The following PPP2R5E variants were observed in gnomAD, a reference collection of about 807,000 sequenced individuals.
PPP2R5E encodes serine/threonine-protein phosphatase 2A 56 kDa regulatory subunit epsilon isoform.
Under a neutral mutation model 65.3 loss-of-function variants are expected in PPP2R5E, and 4 were observed. That is an observed-to-expected ratio of 0.06 (90% confidence interval 0.03 to 0.14). PPP2R5E has a LOEUF of 0.14. Among genes scored for constraint, PPP2R5E ranks in the 10% least tolerant of loss-of-function variants. The pLI is 1.00. For missense variants in PPP2R5E, 274 were observed against 556.1 expected, an observed-to-expected ratio of 0.49 and a Z score of 5.10; for synonymous variants, 183 against 187.4, an observed-to-expected ratio of 0.98 and a Z score of 0.19.
chr14:63,538,261 CTT>C (rs10709303), intron 2 of PPP2R5E, among the ~76,000 whole-genome samples: 31 of 146,352 alleles, frequency 2.1e-4, no homozygotes, highest in African/African-American at 4.3e-4. Flanking sequence ...CCTGCACTTT[CTT>C]TTTTTTTTTT....
chr14:63,532,609 TAAC>T (rs1893482885), intron 2 of PPP2R5E, among the ~76,000 whole-genome samples: 1 of 152,166 alleles, frequency 6.6e-6, no homozygotes, highest in Admixed American at 6.5e-5. Context: ...CCCCATTAAA[TAAC>T]AACAGCTAGT....
chr14:63,520,650 T>C (rs1486445568), intron 2 of PPP2R5E, among the ~76,000 whole-genome samples: 1 of 152,004 alleles, frequency 6.6e-6, no homozygotes, highest in Non-Finnish European at 1.5e-5. Flanking sequence ...TTTAAGGCCC[T>C]TGGAGGAGAC....
chr14:63,430,353 A>G (rs868416191), intron 3 of PPP2R5E, among the ~76,000 whole-genome samples: 1 of 132,216 alleles, frequency 7.6e-6, no homozygotes, highest in African/African-American at 3.5e-5. Context: ...ATGTATACAT[A>G]CATACATACA....
chr14:63,392,160 A>G (rs569494970), intron 8 of PPP2R5E, 135 bp from the exon 9 acceptor site: 2 of 599,076 alleles, frequency 3.3e-6, no homozygotes, highest in Non-Finnish European at 2.7e-6. Flanking sequence ...TTTAATTATC[A>G]TAAAATCTAT....
At chr14:63,466,763 G>A (rs1428520440) in intron 2 of PPP2R5E, among the ~76,000 whole-genome samples, 2 of 152,094 alleles carry the variant, frequency 1.3e-5, no homozygotes, top group African/African-American at 4.8e-5. Flanking sequence ...ACGTATGTAT[G>A]TGTGTATACA....
rs147043177 is a variant in PPP2R5E at position 63,525,890 on chromosome 14, C to T, written c.157+13639G>A. ...GTCTTTTTTTTGAGATGGAGTTTTGCTCTGTACCCAGGATGGAGTGCAGTG... is the reference window on the plus strand; with the variant it reads ...GTCTTTTTTTTGAGATGGAGTTTTGTTCTGTACCCAGGATGGAGTGCAGTG... On this transcript the variant is annotated intron_variant, in intron 2 of 13. Coordinates refer to ENST00000337537, the MANE Select transcript of PPP2R5E (RefSeq NM_006246.5). 4.6e-5 allele frequency among the ~76,000 whole-genome samples: 7 copies of T among 152,216 alleles called. No individual in the cohort carries two copies. The East Asian group carries it at 1.4e-3, about 29-fold the overall frequency.
intron 2 of PPP2R5E, among the ~76,000 whole-genome samples, chr14:63,511,399 GT>G (rs1892446928): frequency 1.3e-5 from 2 of 152,294 alleles, no homozygotes; most frequent in South Asian, 4.1e-4. Flanking sequence ...CGTCATGTAT[GT>G]GAGTGAGACT....
chr14:63,393,218 T>C (rs1885126159), intron 8 of PPP2R5E, among the ~76,000 whole-genome samples: 1 of 152,182 alleles, frequency 6.6e-6, no homozygotes, highest in Non-Finnish European at 1.5e-5. Context: ...GTGCATTTTA[T>C]TATATGTAAT....
At chr14:63,432,668 T>G (rs1887737954) in intron 3 of PPP2R5E, among the ~76,000 whole-genome samples, 1 of 151,816 alleles carries the variant, frequency 6.6e-6, no homozygotes, top group African/African-American at 2.4e-5. Flanking sequence ...GAGAAGAGAC[T>G]GGGGGAAGGG....
At chr14:63,413,485 A>G (rs1182154571) in intron 5 of PPP2R5E, among the ~76,000 whole-genome samples, 1 of 152,202 alleles carries the variant, frequency 6.6e-6, no homozygotes, top group Non-Finnish European at 1.5e-5. Context: ...CCAGAATAGG[A>G]AATGTGCTTG....
At chr14:63,468,688 GAAAT>G (rs144271073) in intron 2 of PPP2R5E, among the ~76,000 whole-genome samples, 45,406 of 151,816 alleles carry the variant, frequency 0.3, 8,453 homozygotes, top group African/African-American at 0.52. Flanking sequence ...ATGTGCAAAG[GAAAT>G]AAATAAACAA....
intron 2 of PPP2R5E, among the ~76,000 whole-genome samples, chr14:63,465,346 GC>G (rs1375384078): frequency 1.3e-5 from 2 of 150,812 alleles, no homozygotes; most frequent in Non-Finnish European, 2.9e-5. Flanking sequence ...GGGCATGGTG[GC>G]TCACGCCCGT....
At chr14:63,387,350 A>T (rs1884733122) in intron 11 of PPP2R5E, among the ~76,000 whole-genome samples, 1 of 152,232 alleles carries the variant, frequency 6.6e-6, no homozygotes, top group African/African-American at 2.4e-5. Flanking sequence ...TAAAGAGGAA[A>T]GGTATTGTTT....
chr14:63,393,999 T>C, intron 7 of PPP2R5E, 71 bp from the exon 8 acceptor site: 1 of 891,270 alleles, frequency 1.1e-6, no homozygotes, highest in South Asian at 1.4e-5. Context: ...GTTCTTGTGA[T>C]ATTAATTAAA....
rs150891148 is a variant in PPP2R5E, at chr14:63,508,406, C to T, written c.157+31123G>A. Among the ~76,000 whole-genome samples, 39 of 152,268 alleles carry T rather than the reference C, an allele frequency of 2.6e-4. 1 individual carries two copies. Among genetic ancestry groups the T allele is most frequent in the African/African-American group, 9.1e-4 (38 of 41,554 alleles). On this transcript the variant is annotated intron_variant, in intron 2 of 13. Coordinates refer to ENST00000337537, the MANE Select transcript of PPP2R5E (RefSeq NM_006246.5). ...ACTGTGTCCTGGGTGCCCATTTAAG[C>T]CCTTCTGGTATCATTTTCCTGAATT... is the stretch of plus-strand genomic sequence containing the variant.
chr14:63,391,757 C>A lies in PPP2R5E; in HGVS notation c.954+60G>T. ...CGGTTTTATACATGCTTAGCCCAAT[C>A]CTTGGCACTCAGCAAAATATTCAGT... is the stretch of plus-strand genomic sequence containing the variant. On this transcript the variant is annotated intron_variant, in intron 10 of 13. Coordinates refer to ENST00000337537, the MANE Select transcript of PPP2R5E (RefSeq NM_006246.5). 2.6e-6 allele frequency: 4 copies of A among 1,553,540 alleles called. No individual in the cohort carries two copies. The Admixed American group carries it at 6.7e-5, about 26-fold the overall frequency.
chr14:63,435,820 T>C (rs1422004656), intron 3 of PPP2R5E, among the ~76,000 whole-genome samples: 2 of 152,172 alleles, frequency 1.3e-5, no homozygotes, highest in Non-Finnish European at 2.9e-5. Flanking sequence ...AATAATTATC[T>C]CTAGAGTCTG....
intron 2 of PPP2R5E, among the ~76,000 whole-genome samples, chr14:63,494,771 T>C (rs1374380362): frequency 1.3e-5 from 2 of 151,902 alleles, no homozygotes; most frequent in Admixed American, 6.6e-5. Flanking sequence ...GGTGCGTGCC[T>C]GTAGTTACCT....
chr14:63,483,979 G>A (rs1011825981), intron 2 of PPP2R5E, among the ~76,000 whole-genome samples: 2 of 151,962 alleles, frequency 1.3e-5, no homozygotes, highest in African/African-American at 4.8e-5. Flanking sequence ...GCTACTCAGG[G>A]GGGCTGAGGC....
Sources: allele counts gnomAD v4.1 joint callset (sites outside exome capture counted in the v4.1 genomes callset), GRCh38; gene constraint gnomAD v4.1.1; transcripts MANE v1.5; gene names NCBI Gene and HGNC (gene_info 2026-07-23, HGNC 2026-07-21).